Variants in KLHL32 observed in about 807,000 individuals in gnomAD.
KLHL32 encodes the protein kelch like family member 32, also known as kelch-like protein 32.
In KLHL32, 35 loss-of-function variants were observed where a neutral mutation model predicts 64.8. The observed-to-expected ratio is 0.54, with a 90% CI of 0.41 to 0.72. The LOEUF (loss-of-function observed/expected upper bound fraction) is 0.72, where lower values mean the gene tolerates loss of function less well. KLHL32 is among the 30% of genes least tolerant of loss of function. KLHL32 has a pLI of 0.00. For missense variants in KLHL32, 589 were observed against 768.5 expected, an observed-to-expected ratio of 0.77 and a Z score of 2.76; for synonymous variants, 259 against 281.0, an observed-to-expected ratio of 0.92 and a Z score of 0.78.
intron 2 of KLHL32, among the ~76,000 whole-genome samples, chr6:96,975,463 T>C (rs1562206241): frequency 6.6e-6 from 1 of 152,240 alleles, no homozygotes; most frequent in Non-Finnish European, 1.5e-5. Context: ...AATGGTCATT[T>C]GCAGCCCTTT....
At chr6:96,898,984 A>C in the KLHL32 span, among the ~76,000 whole-genome samples, 1 of 152,212 alleles carries the variant, frequency 6.6e-6, no homozygotes, top group African/African-American at 2.4e-5. Context: ...TGTAAAGATA[A>C]TCGAATAGAA....
the KLHL32 span, among the ~76,000 whole-genome samples, chr6:96,913,156 T>C: frequency 6.6e-6 from 1 of 152,226 alleles, no homozygotes; most frequent in Admixed American, 6.5e-5. Context: ...ATTAATGAGG[T>C]ACAGCCTTTT....
chr6:97,097,365 A>C (rs1334927245), intron 6 of KLHL32, among the ~76,000 whole-genome samples: 1 of 152,198 alleles, frequency 6.6e-6, no homozygotes, highest in Non-Finnish European at 1.5e-5. Context: ...AAGGTTGATT[A>C]TGATAGTTTG....
chr6:97,045,984 A>G (rs1222645984), intron 4 of KLHL32, among the ~76,000 whole-genome samples: 2 of 152,172 alleles, frequency 1.3e-5, no homozygotes, highest in Non-Finnish European at 2.9e-5. Context: ...CTTTAAAAAG[A>G]AAGAAAGAAA....
intron 3 of KLHL32, among the ~76,000 whole-genome samples, chr6:97,023,634 A>C (rs1232516199): frequency 6.6e-6 from 1 of 152,180 alleles, no homozygotes; most frequent in Middle Eastern, 3.2e-3. Flanking sequence ...TAGTGGATGC[A>C]TACTGCTGAA....
intron 3 of KLHL32, among the ~76,000 whole-genome samples, chr6:97,014,188 GA>G (rs1180451969): frequency 6.6e-6 from 1 of 151,912 alleles, no homozygotes; most frequent in Non-Finnish European, 1.5e-5. Context: ...CAGCTACTCG[GA>G]GAGGCTGAGG....
chr6:97,092,892 T>A (rs1187275639), intron 6 of KLHL32, among the ~76,000 whole-genome samples: 1 of 152,240 alleles, frequency 6.6e-6, no homozygotes, highest in African/African-American at 2.4e-5. Flanking sequence ...GGGCAGTGAT[T>A]ATCAGAAATT....
At chr6:96,948,442 A>C (rs765677043) in intron 1 of KLHL32, among the ~76,000 whole-genome samples, 13 of 152,120 alleles carry the variant, frequency 8.5e-5, no homozygotes, top group Non-Finnish European at 1.6e-4. Context: ...ATGATTCCTG[A>C]GACCTACAGA....
chr6:97,086,175 C>CAGACT (rs1215003074), intron 6 of KLHL32, among the ~76,000 whole-genome samples: 1 of 152,156 alleles, frequency 6.6e-6, no homozygotes, highest in Non-Finnish European at 1.5e-5. Flanking sequence ...TAATTATATA[C>CAGACT]AGACTACCAG....
At position 97,114,358 on chromosome 6, in the gene KLHL32, T is replaced by C; in HGVS notation, c.1203T>C (p.Tyr401=). The C allele has an allele frequency of 1.2e-6, 2 of 1,614,202 alleles. No individual in the cohort carries two copies. The highest frequency in any genetic ancestry group is 1.7e-6 in the Non-Finnish European group (2 of 1,180,034). The part of the protein sequence containing the change: ...FVLGAMEEYL[Y]AVGGRNELRQ... ...TGGGTGCCATGGAGGAATACCTCTATGCAGTTGGGGGCAGAAATGAACTGC... is the reference window on the plus strand; with the variant it reads ...TGGGTGCCATGGAGGAATACCTCTACGCAGTTGGGGGCAGAAATGAACTGC... Residue 401 remains tyrosine, a synonymous_variant, in exon 7 of 11, where the codon TAT becomes TAC. Transcript: ENST00000369261.
chr6:97,102,914 G>C (rs375120793), intron 6 of KLHL32, among the ~76,000 whole-genome samples: 1 of 151,918 alleles, frequency 6.6e-6, no homozygotes, highest in African/African-American at 2.4e-5. Flanking sequence ...ATGGGGGTTT[G>C]TACAGATTAT....
chr6:97,035,747 T>C (rs1471852468), intron 3 of KLHL32, among the ~76,000 whole-genome samples: 1 of 152,184 alleles, frequency 6.6e-6, no homozygotes, highest in East Asian at 1.9e-4. Context: ...ACTTTTCTTT[T>C]GCTTCTTTCA....
intron 6 of KLHL32, among the ~76,000 whole-genome samples, chr6:97,099,853 TC>T (rs1432435095): frequency 6.6e-6 from 1 of 150,564 alleles, no homozygotes; most frequent in Admixed American, 6.6e-5. Context: ...GCCCAAATCT[TC>T]TCTGAAATTT....
In KLHL32 at chr6:97,003,086, A is replaced by G. The variant is rs574469143; in HGVS notation, c.204+26909A>G. On this transcript the variant is annotated intron_variant, in intron 3 of 10. Coordinates refer to ENST00000369261, the MANE Select transcript of KLHL32 (RefSeq NM_052904.4). ...AGAAATCGCCAAAGTTCTGTCCACA[A>G]TGGCTAAACTAATTTACATTCCTAC... Among the ~76,000 whole-genome samples, 121 of 152,310 alleles carry G rather than the reference A, an allele frequency of 7.9e-4. 1 individual carries two copies. In the Middle Eastern group the frequency reaches 0.027, roughly 34 times the overall value.
intron 5 of KLHL32, among the ~76,000 whole-genome samples, chr6:97,077,523 C>A (rs1791795427): frequency 6.6e-6 from 1 of 152,002 alleles, no homozygotes; most frequent in South Asian, 2.1e-4. Flanking sequence ...AACAAGGAGA[C>A]CCAAGATTCA....
intron 3 of KLHL32, among the ~76,000 whole-genome samples, chr6:97,033,396 A>T (rs1317409615): frequency 6.6e-6 from 1 of 152,072 alleles, no homozygotes; most frequent in Non-Finnish European, 1.5e-5. Flanking sequence ...ATGTGTGTGT[A>T]TGTCTCACAT....
intron 3 of KLHL32, among the ~76,000 whole-genome samples, chr6:97,013,036 C>A (rs1780619914): frequency 6.6e-6 from 1 of 152,102 alleles, no homozygotes; most frequent in African/African-American, 2.4e-5. Context: ...GTTTTGTAAT[C>A]TTAAATGGCA....
intron 4 of KLHL32, among the ~76,000 whole-genome samples, chr6:97,042,380 G>T (rs1785255498): frequency 6.6e-6 from 1 of 152,172 alleles, no homozygotes; most frequent in Non-Finnish European, 1.5e-5. Context: ...GTGGGAGAAG[G>T]ATGCATGTGG....
At chr6:97,066,480 G>A (rs890146897) in intron 5 of KLHL32, among the ~76,000 whole-genome samples, 1 of 152,232 alleles carries the variant, frequency 6.6e-6, no homozygotes, top group Non-Finnish European at 1.5e-5. Flanking sequence ...TGAGGTAAAA[G>A]TGTAGCATGC....
Sources: gnomAD v4.1 joint callset for allele counts (sites outside exome capture counted in the v4.1 genomes callset) on GRCh38, gnomAD v4.1.1 for gene constraint, MANE v1.5 for transcripts, NCBI Gene and HGNC (gene_info 2026-07-23, HGNC 2026-07-21) for gene names.